Variants in CROCC2 observed in about 807,000 individuals in gnomAD.
CROCC2 encodes the protein ciliary rootlet coiled-coil protein 2.
In CROCC2, 163 loss-of-function variants were observed where a neutral mutation model predicts 177.6. The ratio of observed to expected loss-of-function variants is 0.92; its 90% CI spans 0.81 to 1.05. The LOEUF is 1.05. Among genes scored for constraint, CROCC2 ranks in the 50% least tolerant of loss-of-function variants. The pLI is 0.00. For synonymous variants in CROCC2, 904 were observed against 787.3 expected, an observed-to-expected ratio of 1.15 and a Z score of -2.48; for missense variants, 1,929 against 1,797.8, an observed-to-expected ratio of 1.07 and a Z score of -1.32.
intron 31 of CROCC2, 112 bp downstream of exon 31, chr2:240,991,390 T>C (rs2059878620): frequency 1.1e-6 from 1 of 925,264 alleles, no homozygotes; most frequent in East Asian, 2.9e-5. Flanking sequence ...GGGGAACCAC[T>C]GTTGGGAAAA....
At chr2:240,990,198 C>T (rs373636796) in intron 30 of CROCC2, among the ~76,000 whole-genome samples, 1 of 152,354 alleles carries the variant, frequency 6.6e-6, no homozygotes, top group East Asian at 1.9e-4. Flanking sequence ...ACAGTTGTAG[C>T]AGAGGTGGCC....
intron 18 of CROCC2, chr2:240,954,524 C>G (rs1163041310): frequency 6.6e-6 from 1 of 151,792 alleles, no homozygotes; most frequent in African/African-American, 2.4e-5. Flanking sequence ...GGTGTGGGCA[C>G]GTCACAGACA....
chr2:240,991,057 C>T, intron 30 of CROCC2, 139 bp from the exon 31 acceptor site: 1 of 565,044 alleles, frequency 1.8e-6, no homozygotes, highest in Non-Finnish European at 3.1e-6. Context: ...TGTTTCTGTC[C>T]CATGCATGCC....
At chr2:240,968,074 C>T (rs2059695710) in intron 26 of CROCC2, 55 bp from the exon 27 acceptor site, 3 of 1,377,488 alleles carry the variant, frequency 2.2e-6, no homozygotes, top group Admixed American at 6.2e-5. Context: ...GCATTGCCTG[C>T]CTGTGACCTG....
At chr2:240,965,331 G>C (rs371393821) in intron 22 of CROCC2, 50 bp from the exon 23 acceptor site, 1 of 1,543,450 alleles carries the variant, frequency 6.5e-7, no homozygotes, top group South Asian at 1.2e-5. Flanking sequence ...GGCTGCCTGG[G>C]TTCCAGCACA....
rs1023731200 is a variant in CROCC2, at chr2:240,935,115, C to T, written c.1938+53C>T. 5 of 1,329,524 alleles carry T rather than the reference C, an allele frequency of 3.8e-6. No homozygotes were observed. The African/African-American group carries it at 7.7e-5, about 20-fold the overall frequency. 82.4% of individuals were successfully genotyped at this position (1,329,524 alleles called of 1,614,324 possible). A position where few individuals can be genotyped will look rare whatever the true frequency, so the allele number is the denominator to read the frequency against. On this transcript the variant is annotated intron_variant, in intron 13 of 31. Coordinates refer to ENST00000690015, the MANE Select transcript of CROCC2 (RefSeq NM_001351305.2). ...TCGCTGGAACCTGTTTCCCAGGTGG[C>T]TGTGGGTCTCCCAGCCCTAGGCCTT...
intron 18 of CROCC2, among the ~76,000 whole-genome samples, chr2:240,952,802 G>A (rs1353364709): frequency 1.3e-5 from 2 of 152,208 alleles, no homozygotes; most frequent in Non-Finnish European, 2.9e-5. Context: ...GAGTTGGGCG[G>A]AAACGAGTCT....
intron 28 of CROCC2, chr2:240,983,464 G>A (rs1344596611): frequency 1.6e-6 from 2 of 1,245,976 alleles, no homozygotes; most frequent in Non-Finnish European, 2.1e-6. Context: ...GCGGGCAGGA[G>A]GCGGCCGAGG....
Position 240,918,383 on chromosome 2 carries a change from A to G in CROCC2, c.79-343A>G, listed in dbSNP as rs1036800275. The stretch of plus-strand genomic sequence containing the variant: ...TTTCTTGTGGAGCAGAGGCAAAGGA[A>G]CCTGCCTGTCAGCATCCCCTAGGGA... On this transcript the variant is annotated intron_variant, in intron 1 of 31. Transcript: ENST00000690015. This position sits in a 1 kb window ranked among gnomAD's most constrained non-coding sequence, Gnocchi z 6.3. Among the ~76,000 whole-genome samples, 4 of 152,090 alleles carry G rather than the reference A, an allele frequency of 2.6e-5. No homozygotes were observed. Among genetic ancestry groups the G allele is most frequent in the Non-Finnish European group, 5.9e-5 (4 of 68,006 alleles).
chr2:240,949,660 G>A lies in CROCC2; in HGVS notation c.2610G>A (p.Ala870=), dbSNP rs1421680203. The A allele has an allele frequency of 1.8e-5, 28 of 1,530,202 alleles. No individual in the cohort carries two copies. The Admixed American group carries it at 2.4e-4, about 13-fold the overall frequency. 94.8% of individuals were successfully genotyped at this position (1,530,202 alleles called of 1,614,324 possible). ...REAQRALESQ[A]LAHREALAQL... ...CACAGCGGGCCCTGGAGAGCCAGGC[G>A]TTGGCCCACCGAGAGGCCCTGGCAC... The change falls in exon 17 of 32, where the codon GCG becomes GCA. Residue 870 remains alanine (A), a synonymous_variant. Transcript: ENST00000690015. The surrounding 1 kb of genome is among the most constrained non-coding windows in gnomAD (Gnocchi z 4.5).
rs115396073 is a variant in CROCC2, at chr2:240,928,857, A to G, written c.646-1309A>G. 6.4e-5 allele frequency among the ~76,000 whole-genome samples: 8 copies of G among 125,576 alleles called. No homozygotes were observed. In the East Asian group the frequency reaches 2.6e-3, roughly 41 times the overall value. 82.4% of individuals were successfully genotyped at this position (125,576 alleles called of 152,430 possible). A position where few individuals can be genotyped will look rare whatever the true frequency, so the allele number is the denominator to read the frequency against. ...ACAGGTGTAATGCACACAGAGGGGC[A>G]TGCCCTCTGGAGGGTGTATGGCCAG... On this transcript the variant is annotated intron_variant, in intron 5 of 31. Coordinates refer to ENST00000690015, the MANE Select transcript of CROCC2 (RefSeq NM_001351305.2).
chr2:240,920,974 C>A (rs548737004), intron 3 of CROCC2, among the ~76,000 whole-genome samples: 134 of 152,314 alleles, frequency 8.8e-4, no homozygotes, highest in African/African-American at 3.1e-3. Flanking sequence ...CTTCAGAGCC[C>A]CCCTGGTTCT....
At chr2:240,984,165 C>T (rs2059820365) in intron 28 of CROCC2, among the ~76,000 whole-genome samples, 1 of 152,140 alleles carries the variant, frequency 6.6e-6, no homozygotes. Context: ...GTCAGACAAA[C>T]GTAGACCACT....
Position 240,932,894 on chromosome 2 carries a change from T to C in CROCC2, c.1237T>C (p.Trp413Arg). 1 of 1,546,482 alleles carries C rather than the reference T, an allele frequency of 6.5e-7. No homozygotes were observed. The highest frequency in any genetic ancestry group is 8.7e-7 in the Non-Finnish European group (1 of 1,146,112). ...CATGCGGGCAGCCATAGAGAGGCGG[T>C]GGCGGCGGGAACAGGTGGGCAGCCG... is the stretch of plus-strand genomic sequence containing the variant. ...QAMRAAIERR[W>R]RREQELCLQL... Residue 413 changes from tryptophan to arginine, a missense_variant, in exon 9 of 32, where the codon TGG becomes CGG. Coordinates refer to ENST00000690015, the MANE Select transcript of CROCC2 (RefSeq NM_001351305.2).
In CROCC2 at chr2:240,966,021, G is replaced by T. The variant is rs575957890; in HGVS notation, c.3961+28G>T. On this transcript the variant is annotated intron_variant, in intron 24 of 31. Coordinates refer to ENST00000690015, the MANE Select transcript of CROCC2 (RefSeq NM_001351305.2). ...CAGAGTCCTCAGTGGAGGCAGGCGGGCCCCTCTCCCAGCTCAGTCCCTGGC... is the reference window on the plus strand; with the variant it reads ...CAGAGTCCTCAGTGGAGGCAGGCGGTCCCCTCTCCCAGCTCAGTCCCTGGC... 375 of 1,327,140 alleles carry T rather than the reference G, an allele frequency of 2.8e-4. 2 individuals carry two copies. In the African/African-American group the frequency reaches 5.4e-3, roughly 19 times the overall value. 82.2% of individuals were successfully genotyped at this position (1,327,140 alleles called of 1,614,324 possible).
intron 27 of CROCC2, among the ~76,000 whole-genome samples, chr2:240,976,014 A>G (rs1030856822): frequency 2.6e-5 from 4 of 152,144 alleles, no homozygotes; most frequent in African/African-American, 9.7e-5. Context: ...TACAGGAATG[A>G]GCCACAGCGC....
In CROCC2 at chr2:240,989,698, G is replaced by C. The variant is rs1470351685; in HGVS notation, c.4728G>C (p.Gln1576His). 1 of 1,550,152 alleles carries C rather than the reference G, an allele frequency of 6.5e-7. No individual in the cohort carries two copies. The highest frequency in any genetic ancestry group is 1.2e-5 in the South Asian group (1 of 84,042). Residue 1576 changes from glutamine (Q) to histidine (H), a missense_variant, in exon 30 of 32, where the codon CAG (glutamine) becomes CAC (histidine). Physicochemically the swap from Gln to His is conservative, Grantham distance 24 (BLOSUM62 0). Around this residue, in one of 3 missense-constraint regions of CROCC2, gnomAD observed 388 missense variants for 352.7 expected, o/e 1.10. Coordinates refer to ENST00000690015, the MANE Select transcript of CROCC2 (RefSeq NM_001351305.2). ...EMEQAHTQRL[Q>H]DLTAQHQRDL... is the part of the protein sequence containing the mutation. The stretch of plus-strand genomic sequence containing the variant: ...AGCAGGCCCACACCCAGCGGCTCCA[G>C]GACCTGACAGCTCAGCACCAGCGGG...
intron 4 of CROCC2, among the ~76,000 whole-genome samples, chr2:240,922,945 T>G (rs551077835): frequency 2.0e-5 from 3 of 152,070 alleles, no homozygotes; most frequent in Non-Finnish European, 4.4e-5. Context: ...ACACTCAGCC[T>G]CCTGGGCTCA....
At chr2:240,932,555 G>GT in intron 8 of CROCC2, 141 bp downstream of exon 8, 1 of 689,208 alleles carries the variant, frequency 1.5e-6, no homozygotes, top group East Asian at 2.7e-5. Flanking sequence ...TTTGAGGCAC[G>GT]TCAGGAAGGT....
Sources: allele counts gnomAD v4.1 joint callset (sites outside exome capture counted in the v4.1 genomes callset), GRCh38; gene constraint gnomAD v4.1.1; regional missense constraint gnomAD v4.1.1; non-coding constraint Gnocchi (gnomAD v3.1); transcripts MANE v1.5; gene names NCBI Gene and HGNC (gene_info 2026-07-23, HGNC 2026-07-21).